Variants in PPFIA1 observed in about 807,000 individuals in gnomAD.
The protein encoded by PPFIA1 is liprin-alpha-1.
A neutral mutation model predicts 149.9 loss-of-function variants in PPFIA1; 25 were observed. The observed-to-expected ratio is 0.17, with a 90% CI of 0.12 to 0.23. PPFIA1 has a LOEUF of 0.23. Ranked by LOEUF, PPFIA1 falls within the 10% of genes least tolerant of loss-of-function variation. The probability of loss-of-function intolerance (pLI) is 1.00; values close to 1 mark genes in which losing one functional copy is unlikely to be tolerated. For missense variants in PPFIA1, 1,362 were observed against 1,506.5 expected, an observed-to-expected ratio of 0.90 and a Z score of 1.59; for synonymous variants, 549 against 552.8, an observed-to-expected ratio of 0.99 and a Z score of 0.10.
chr11:70,297,911 G>A (rs977263068), intron 2 of PPFIA1, among the ~76,000 whole-genome samples: 1 of 152,198 alleles, frequency 6.6e-6, no homozygotes, highest in African/African-American at 2.4e-5. Context: ...ATGCTGGGTG[G>A]CCAGCATGCC....
rs376830476 is a variant in PPFIA1, at chr11:70,331,991, G to A, written c.1109G>A (p.Arg370His). The change falls in exon 9 of 28, where the codon CGC (arginine) becomes CAC (histidine). Residue 370 changes from arginine (R) to histidine (H), a missense_variant. By Grantham distance (29) the Arg-to-His change is conservative. Around this residue, in one of 7 missense-constraint regions of PPFIA1, gnomAD observed 733 missense variants for 744.1 expected, o/e 0.99. Coordinates refer to ENST00000253925, the MANE Select transcript of PPFIA1 (RefSeq NM_003626.5). ...TEDKNRQLQE[R>H]LELAEQKLQQ... is the part of the protein sequence containing the mutation. ...GATAAAAACCGCCAGTTACAGGAGC[G>A]CTTGGAATTGGCAGAGCAAAAGCTG... 97 of 1,612,074 alleles carry A rather than the reference G, an allele frequency of 6.0e-5. No individual in the cohort carries two copies. The highest frequency in any genetic ancestry group is 7.7e-5 in the Non-Finnish European group (91 of 1,179,336).
At chr11:70,356,883 A>G (rs1243100387) in intron 19 of PPFIA1, among the ~76,000 whole-genome samples, 1 of 152,188 alleles carries the variant, frequency 6.6e-6, no homozygotes, top group Non-Finnish European at 1.5e-5. Context: ...TTCAGCTTTA[A>G]TTCTAAACTA....
intron 3 of PPFIA1, 136 bp from the exon 4 acceptor site, chr11:70,324,711 G>A: frequency 2.1e-6 from 2 of 954,606 alleles, no homozygotes; most frequent in Non-Finnish European, 3.2e-6. Flanking sequence ...TAATACAATT[G>A]AGAGGAATTT....
intron 2 of PPFIA1, among the ~76,000 whole-genome samples, chr11:70,323,928 A>G (rs1224950318): frequency 2.0e-5 from 3 of 152,170 alleles, no homozygotes; most frequent in African/African-American, 7.2e-5. Flanking sequence ...ACACCATTGC[A>G]CTCTAGCCTG....
chr11:70,297,798 GGA>G (rs2052182345), intron 2 of PPFIA1, among the ~76,000 whole-genome samples: 1 of 152,204 alleles, frequency 6.6e-6, no homozygotes, highest in South Asian at 2.1e-4. Flanking sequence ...AGCAGATGCA[GGA>G]GAGGCTGGGA....
intron 26 of PPFIA1, among the ~76,000 whole-genome samples, chr11:70,381,871 G>C (rs2057727265): frequency 6.6e-6 from 1 of 152,158 alleles, no homozygotes; most frequent in Admixed American, 6.6e-5. Context: ...TAGTGTTCCA[G>C]AGTCTCCCGG....
At chr11:70,303,662 G>T (rs1183567845) in intron 2 of PPFIA1, among the ~76,000 whole-genome samples, 1 of 152,160 alleles carries the variant, frequency 6.6e-6, no homozygotes, top group Non-Finnish European at 1.5e-5. Context: ...CTTATGTGCT[G>T]ATCAGGTGAC....
chr11:70,283,500 C>T (rs1006920264), intron 2 of PPFIA1, among the ~76,000 whole-genome samples: 2 of 152,098 alleles, frequency 1.3e-5, no homozygotes, highest in African/African-American at 4.8e-5. Flanking sequence ...AAGAAGTCTA[C>T]CTGTGTCAGG....
chr11:70,361,243 T>C (rs1266885517), intron 19 of PPFIA1, among the ~76,000 whole-genome samples: 1 of 152,176 alleles, frequency 6.6e-6, no homozygotes, highest in African/African-American at 2.4e-5. Flanking sequence ...TCAGAGTCTA[T>C]GGGGGATTGG....
At chr11:70,280,650 C>CT (rs1194737653) in intron 2 of PPFIA1, among the ~76,000 whole-genome samples, 6 of 152,174 alleles carry the variant, frequency 3.9e-5, no homozygotes, top group African/African-American at 1.2e-4. Flanking sequence ...TCACTGCAGC[C>CT]TCAAACTCCA....
rs140760938 is a variant in PPFIA1 at position 70,308,645 on chromosome 11, G to A, written c.265-15757G>A. ...TGAATATTCTTTTAAAAAATTGATC[G>A]CAGAGGCTGGGCGCAGTGGCTCATG... On this transcript the variant is annotated intron_variant, in intron 2 of 27. Transcript: ENST00000253925. 1.2e-3 allele frequency among the ~76,000 whole-genome samples: 182 copies of A among 152,078 alleles called. 1 individual carries two copies. Among genetic ancestry groups the A allele is most frequent in the African/African-American group, 4.0e-3 (167 of 41,478 alleles).
intron 2 of PPFIA1, chr11:70,278,891 A>G: frequency 3.7e-6 from 2 of 533,876 alleles, no homozygotes; most frequent in South Asian, 1.8e-5. Flanking sequence ...GTCCTGAGAT[A>G]ATAAGGAATC....
intron 2 of PPFIA1, among the ~76,000 whole-genome samples, chr11:70,296,647 G>C (rs965260959): frequency 3.3e-5 from 5 of 151,060 alleles, no homozygotes; most frequent in African/African-American, 1.2e-4. Context: ...GTCCAGCTTC[G>C]GCTCAGCATC....
intron 11 of PPFIA1, among the ~76,000 whole-genome samples, chr11:70,336,927 A>G (rs760968887): frequency 1.3e-5 from 2 of 152,224 alleles, no homozygotes; most frequent in Admixed American, 6.5e-5. Context: ...CATGGAGGGC[A>G]TTTCCAGAGA....
chr11:70,359,784 T>G (rs971033545), intron 19 of PPFIA1, among the ~76,000 whole-genome samples: 1 of 152,236 alleles, frequency 6.6e-6, no homozygotes, highest in African/African-American at 2.4e-5. Context: ...TATAGCATTC[T>G]CAGTAGCAAG....
At chr11:70,293,104 A>G (rs1430794420) in intron 2 of PPFIA1, among the ~76,000 whole-genome samples, 1 of 152,216 alleles carries the variant, frequency 6.6e-6, no homozygotes, top group Non-Finnish European at 1.5e-5. Flanking sequence ...CCTCTGGCAC[A>G]CAGTAGACAC....
chr11:70,280,538 C>T (rs1013277324), intron 2 of PPFIA1, among the ~76,000 whole-genome samples: 9 of 152,230 alleles, frequency 5.9e-5, no homozygotes, highest in African/African-American at 1.9e-4. Context: ...CATTGCACTC[C>T]AGCCTGGGTG....
chr11:70,292,096 CA>C (rs2051573331), intron 2 of PPFIA1, among the ~76,000 whole-genome samples: 1 of 152,116 alleles, frequency 6.6e-6, no homozygotes. Context: ...CTCTGCCTCC[CA>C]AAGTGCTAGG....
intron 2 of PPFIA1, among the ~76,000 whole-genome samples, chr11:70,314,165 TAGAC>T (rs1194564938): frequency 1.3e-5 from 2 of 152,106 alleles, no homozygotes. Context: ...ATTCTGTGAA[TAGAC>T]AGACAGGAAA....
Sources: allele counts gnomAD v4.1 joint callset (sites outside exome capture counted in the v4.1 genomes callset), GRCh38; gene constraint gnomAD v4.1.1; regional missense constraint gnomAD v4.1.1; transcripts MANE v1.5; gene names NCBI Gene and HGNC (gene_info 2026-07-23, HGNC 2026-07-21).